SRCIN1: variants seen among roughly 807,000 people sequenced by gnomAD.
SRCIN1 encodes SRC kinase signaling inhibitor 1, also known as P130Cas-associated protein.
SRCIN1 carries 50 observed loss-of-function variants against 116.2 expected under a neutral mutation model. That is an observed-to-expected ratio of 0.43 (90% CI 0.34 to 0.54). The LOEUF is 0.54. Ranked by LOEUF, SRCIN1 falls within the 20% of genes least tolerant of loss-of-function variation. The probability of loss-of-function intolerance (pLI) is 0.02; values close to 1 mark genes in which losing one functional copy is unlikely to be tolerated. For missense variants in SRCIN1, 1,446 were observed against 1,672.0 expected (o/e 0.86, Z 2.36); for synonymous variants, 736 against 750.0 (o/e 0.98, Z 0.30).
Position 38,533,095 on chromosome 17 carries a change from T to TAAA in SRCIN1, c.*199_*201dup, listed in dbSNP as rs79154508. On this transcript the variant is annotated 3_prime_UTR_variant, in exon 19 of 19. Coordinates refer to ENST00000617146, the MANE Select transcript of SRCIN1 (RefSeq NM_025248.3). ...AAAAAGATAATTAAAAGTTAATTGT[T>TAAA]AAAAAAAAAAAAAAAAACAAAACCA... 7,079 of 257,900 alleles carry TAAA rather than the reference T, an allele frequency of 0.027. 140 individuals carry two copies. The highest frequency in any genetic ancestry group is 0.062 in the South Asian group (328 of 5,298). 16.0% of individuals were successfully genotyped at this position (257,900 alleles called of 1,614,324 possible).
At position 38,563,057 on chromosome 17, in the gene SRCIN1, C is replaced by T. The variant is rs544577641; in HGVS notation, c.741-137G>A. 2,686 of 819,058 alleles carry T rather than the reference C, an allele frequency of 3.3e-3. 7 individuals are homozygous for T. Among genetic ancestry groups the T allele is most frequent in the Non-Finnish European group, 3.4e-3 (1,737 of 513,198 alleles). 50.7% of individuals were successfully genotyped at this position (819,058 alleles called of 1,614,324 possible). Reference sequence around the variant, plus strand: ...CCATCTCAGGCTGCCTGCACACACGCCCAGCAGCCTCCACCCCGGCCTCTT... The same window carrying T: ...CCATCTCAGGCTGCCTGCACACACGTCCAGCAGCCTCCACCCCGGCCTCTT... On this transcript the variant is annotated intron_variant, in intron 5 of 18. Transcript: ENST00000617146. This position sits in a 1 kb window ranked among gnomAD's most constrained non-coding sequence, Gnocchi z 5.8.
Position 38,559,302 on chromosome 17 carries a change from G to T in SRCIN1, c.2025+283C>A. 5 of 520,994 alleles carry T rather than the reference G, an allele frequency of 9.6e-6. No individual in the cohort carries two copies. The South Asian group carries it at 1.3e-4, about 13-fold the overall frequency. 32.3% of individuals were successfully genotyped at this position (520,994 alleles called of 1,614,324 possible). A position where few individuals can be genotyped will look rare whatever the true frequency, so the allele number is the denominator to read the frequency against. ...GGCTCAGTGGGTGACTGGGGCTCCA[G>T]GAGGGCGATGGGGACTCAGGGAAGG... On this transcript the variant is annotated intron_variant, in intron 10 of 18. Coordinates refer to ENST00000617146, the MANE Select transcript of SRCIN1 (RefSeq NM_025248.3).
In SRCIN1 at chr17:38,544,093, A is replaced by G; in HGVS notation, c.3271-124T>C. 1 of 1,194,642 alleles carries G rather than the reference A, an allele frequency of 8.4e-7. No homozygotes were observed. Among genetic ancestry groups the G allele is most frequent in the Non-Finnish European group, 1.1e-6 (1 of 880,368 alleles). 74.0% of individuals were successfully genotyped at this position (1,194,642 alleles called of 1,614,324 possible). On this transcript the variant is annotated intron_variant, in intron 17 of 18. Transcript: ENST00000617146. This position sits in a 1 kb window ranked among gnomAD's most constrained non-coding sequence, Gnocchi z 4.5. The stretch of plus-strand genomic sequence containing the variant: ...CAGTGGGGCCCTTTGAGACCTGGAG[A>G]CCCCTCTCTAGCTCCACACCCGAGT...
intron 1 of SRCIN1, among the ~76,000 whole-genome samples, chr17:38,588,646 A>G (rs1469503164): frequency 1.3e-5 from 2 of 152,160 alleles, no homozygotes; most frequent in African/African-American, 4.8e-5. Flanking sequence ...TGTGTGTGAA[A>G]GGGATCTTTC....
Position 38,530,699 on chromosome 17 carries a change from AT to A in SRCIN1, c.*2597del, listed in dbSNP as rs1276150566. The A allele has an allele frequency of 6.6e-6, 1 of 152,304 alleles. No individual in the cohort carries two copies. The highest frequency in any genetic ancestry group is 2.4e-5 in the African/African-American group (1 of 41,442). 9.4% of individuals were successfully genotyped at this position (152,304 alleles called of 1,614,324 possible). Reference sequence around the variant, plus strand: ...CATGCACCTCCATGTATGCGTCTCTATCCACATGTACGTGGCCCACACACAA... The same window carrying A: ...CATGCACCTCCATGTATGCGTCTCTACCACATGTACGTGGCCCACACACAA... On this transcript the variant is annotated 3_prime_UTR_variant, in exon 19 of 19. Transcript: ENST00000617146.
chr17:38,551,830 C>G lies in SRCIN1; in HGVS notation c.2727+56G>C, dbSNP rs545333843. The G allele has an allele frequency of 6.2e-6, 10 of 1,608,038 alleles. No individual in the cohort carries two copies. The South Asian group carries it at 9.9e-5, about 16-fold the overall frequency. ...CACTCCCCACTCTAGGAAGGATGGT[C>G]GTAAGAATGTGTGAACCTGGCTCAT... On this transcript the variant is annotated intron_variant, in intron 14 of 18. Transcript: ENST00000617146.
In SRCIN1 at chr17:38,572,749, G is replaced by T. The variant is rs545493538; in HGVS notation, c.325-4518C>A. 151 of 152,654 alleles carry T rather than the reference G, an allele frequency of 9.9e-4. 3 individuals are homozygous for T. In the South Asian group the frequency reaches 0.026, roughly 27 times the overall value. 9.5% of individuals were successfully genotyped at this position (152,654 alleles called of 1,614,324 possible). A position where few individuals can be genotyped will look rare whatever the true frequency, so the allele number is the denominator to read the frequency against. On this transcript the variant is annotated intron_variant, in intron 2 of 18. Coordinates refer to ENST00000617146, the MANE Select transcript of SRCIN1 (RefSeq NM_025248.3). This position sits in a 1 kb window ranked among gnomAD's most constrained non-coding sequence, Gnocchi z 4.3. ...GGAGGGAGGGCCCCTACTCCCACCC[G>T]CCCGGGCTCTTCTCTCCCCCGGCCG...
intron 18 of SRCIN1, among the ~76,000 whole-genome samples, chr17:38,538,435 AATAAT>A (rs1904531949): frequency 1.6e-5 from 2 of 128,658 alleles, no homozygotes; most frequent in African/African-American, 7.2e-5. Context: ...AAAAAAAAAT[AATAAT>A]AATAATAATA....
rs183571525 is a variant in SRCIN1, at chr17:38,552,009, C to G, written c.2604G>C (p.Pro868=). 6.2e-7 allele frequency: 1 copy of G among 1,613,900 alleles called. No homozygotes were observed. The highest frequency in any genetic ancestry group is 8.5e-7 in the Non-Finnish European group (1 of 1,179,898). The change falls in exon 14 of 19, where the codon CCG becomes CCC. Residue 868 remains proline (P), a synonymous_variant. Coordinates refer to ENST00000617146, the MANE Select transcript of SRCIN1 (RefSeq NM_025248.3). The surrounding 1 kb of genome is among the most constrained non-coding windows in gnomAD (Gnocchi z 5.3). ...GCCCGCTCAGCTCATGCAGGTTCAG[C>G]GGGGGGCTGGGGGGTGGCATTTCGA... ...VDFEMPPPSP[P]LNLHELSGPA...
rs757725869 is a variant in SRCIN1, at chr17:38,564,278, G to A, written c.381C>T (p.Pro127=). 12 of 1,571,654 alleles carry A rather than the reference G, an allele frequency of 7.6e-6. No individual in the cohort carries two copies. The highest frequency in any genetic ancestry group is 2.2e-4 in the Middle Eastern group (1 of 4,572). Residue 127 remains proline (P), a synonymous_variant, in exon 4 of 19, where the codon CCC becomes CCT. Coordinates refer to ENST00000617146, the MANE Select transcript of SRCIN1 (RefSeq NM_025248.3). ...GCTTTGCCGCCTGGTCTGCCAGCCC[G>A]GGCTGGGCTCCCTGAGTGTGGCGTG... is the stretch of plus-strand genomic sequence containing the variant. The part of the protein sequence containing the change: ...RSSRHTQGAQ[P]GLADQAAKLS...
In SRCIN1 at chr17:38,552,232, G is replaced by C. The variant is rs1905472287; in HGVS notation, c.2481-100C>G. The C allele has an allele frequency of 6.6e-7, 1 of 1,517,988 alleles. No individual in the cohort carries two copies. The highest frequency in any genetic ancestry group is 1.4e-5 in the African/African-American group (1 of 72,320). 94.0% of individuals were successfully genotyped at this position (1,517,988 alleles called of 1,614,324 possible). On this transcript the variant is annotated intron_variant, in intron 13 of 18. Coordinates refer to ENST00000617146, the MANE Select transcript of SRCIN1 (RefSeq NM_025248.3). This position sits in a 1 kb window ranked among gnomAD's most constrained non-coding sequence, Gnocchi z 5.3. The stretch of plus-strand genomic sequence containing the variant: ...GAGGTGGGGTGGGAGGCAGGCTCTG[G>C]GATGCTGTGGGAGGGCCTGGGGAGG...
intron 2 of SRCIN1, among the ~76,000 whole-genome samples, chr17:38,574,427 G>C (rs1255305078): frequency 6.6e-6 from 1 of 152,144 alleles, no homozygotes. Context: ...TTAGCAAGAG[G>C]GGTGAGAGAG....
At chr17:38,543,201 G>A (rs1904858268) in intron 18 of SRCIN1, 1 of 456,736 alleles carries the variant, frequency 2.2e-6, no homozygotes, top group Non-Finnish European at 4.4e-6. Context: ...GGGCCAAAGT[G>A]CCTCGCCCTG....
In SRCIN1 at chr17:38,587,822, G is replaced by A. The variant is rs567130356; in HGVS notation, c.23-9031C>T. On this transcript the variant is annotated intron_variant, in intron 1 of 18. Coordinates refer to ENST00000617146, the MANE Select transcript of SRCIN1 (RefSeq NM_025248.3). ...TCACCACACAGAAATCAGGGTCCCCGCAGGGCATCCGAACTGCACATTCAG... is the reference window on the plus strand; with the variant it reads ...TCACCACACAGAAATCAGGGTCCCCACAGGGCATCCGAACTGCACATTCAG... Among the ~76,000 whole-genome samples, 16 of 152,216 alleles carry A rather than the reference G, an allele frequency of 1.1e-4. No homozygotes were observed. In the East Asian group the frequency reaches 1.4e-3, roughly 13 times the overall value.
At chr17:38,535,929 C>T (rs1190035777) in intron 18 of SRCIN1, among the ~76,000 whole-genome samples, 1 of 152,190 alleles carries the variant, frequency 6.6e-6, no homozygotes, top group Non-Finnish European at 1.5e-5. Context: ...GCTCCTACCC[C>T]TTCAGCATTT....
At chr17:38,536,999 A>G (rs780299222) in intron 18 of SRCIN1, among the ~76,000 whole-genome samples, 19 of 151,814 alleles carry the variant, frequency 1.3e-4, no homozygotes, top group Non-Finnish European at 2.1e-4. Flanking sequence ...CAACACAGTG[A>G]AACGCCAACT....
At chr17:38,575,987 C>T (rs950606578) in intron 2 of SRCIN1, among the ~76,000 whole-genome samples, 4 of 152,152 alleles carry the variant, frequency 2.6e-5, no homozygotes, top group East Asian at 1.9e-4. Context: ...AGTGGGGAAA[C>T]GAATGAGTGA....
intron 2 of SRCIN1, among the ~76,000 whole-genome samples, chr17:38,573,553 G>A (rs1907226185): frequency 6.6e-6 from 1 of 152,214 alleles, no homozygotes; most frequent in African/African-American, 2.4e-5. Flanking sequence ...GATCCCAGAT[G>A]TGGACAGGCC....
chr17:38,579,246 T>G (rs1907635718), intron 1 of SRCIN1, among the ~76,000 whole-genome samples: 1 of 152,122 alleles, frequency 6.6e-6, no homozygotes. Context: ...CTCGTAGTCT[T>G]CCTTTGAGGT....
Sources: gnomAD v4.1 joint callset for allele counts (sites outside exome capture counted in the v4.1 genomes callset) on GRCh38, gnomAD v4.1.1 for gene constraint, Gnocchi (gnomAD v3.1) non-coding constraint, MANE v1.5 for transcripts, NCBI Gene and HGNC (gene_info 2026-07-23, HGNC 2026-07-21) for gene names.